The following GLRA2 variants were observed in gnomAD, a reference collection of about 807,000 sequenced individuals.
GLRA2 encodes the protein glycine receptor alpha 2.
A neutral mutation model predicts 31.6 loss-of-function variants in GLRA2; 11 were observed. The ratio of observed to expected loss-of-function variants is 0.35; its 90% CI spans 0.22 to 0.58. GLRA2 has a LOEUF of 0.58. Among genes scored for constraint, GLRA2 ranks in the 20% least tolerant of loss-of-function variants. The pLI, the probability that GLRA2 is intolerant of heterozygous loss-of-function variation, is 0.84. For synonymous variants in GLRA2, 132 were observed against 134.0 expected (o/e 0.99, Z 0.10); for missense variants, 212 against 351.8 (o/e 0.60, Z 3.18).
chrX:14,681,910 A>AAAAAATATATAT (rs758563376), intron 7 of GLRA2, among the ~76,000 whole-genome samples: 3 of 41,280 alleles, frequency 7.3e-5, no homozygotes, highest in Admixed American at 2.6e-4. Context: ...AAAAAAAAAA[A>AAAAAATATATAT]ATATATATAT....
the GLRA2 span, among the ~76,000 whole-genome samples, chrX:14,451,331 C>G: frequency 1.8e-5 from 2 of 110,762 alleles, no homozygotes; most frequent in African/African-American, 6.6e-5. Flanking sequence ...AATGACCCCA[C>G]TTAAAAGGCA....
intron 2 of GLRA2, among the ~76,000 whole-genome samples, chrX:14,538,072 G>A (rs778516518): frequency 8.2e-5 from 9 of 109,160 alleles, no homozygotes; most frequent in Admixed American, 1.9e-4. Flanking sequence ...CATCAAGAGG[G>A]CATCTACAGC....
chrX:14,492,523 C>T, the GLRA2 span, among the ~76,000 whole-genome samples: 1 of 111,643 alleles, frequency 9.0e-6, no homozygotes, highest in Admixed American at 9.5e-5. Context: ...CCTCATTAAT[C>T]ATTAAGGAAA....
At chrX:14,582,205 C>T (rs868111283) in intron 4 of GLRA2, among the ~76,000 whole-genome samples, 38 of 69,498 alleles carry the variant, frequency 5.5e-4, no homozygotes, top group African/African-American at 2.5e-3. Flanking sequence ...TCTCCCAATG[C>T]TATCCCTCCC....
the GLRA2 span, among the ~76,000 whole-genome samples, chrX:14,497,245 A>G: frequency 8.9e-6 from 1 of 111,966 alleles, no homozygotes; most frequent in African/African-American, 3.2e-5. Context: ...GGGTCAAGAT[A>G]GAGAAGAGAA....
At chrX:14,555,442 C>A (rs1485749539) in intron 2 of GLRA2, among the ~76,000 whole-genome samples, 1 of 111,370 alleles carries the variant, frequency 9.0e-6, no homozygotes, top group African/African-American at 3.3e-5. Flanking sequence ...GTCTTTTTAG[C>A]CCTGAAGTTT....
intron 2 of GLRA2, among the ~76,000 whole-genome samples, chrX:14,568,937 G>T (rs1448314209): frequency 1.8e-5 from 2 of 111,015 alleles, no homozygotes; most frequent in African/African-American, 6.5e-5. Flanking sequence ...AGAAACAAAA[G>T]AAAAAATAGG....
intron 7 of GLRA2, among the ~76,000 whole-genome samples, chrX:14,688,581 G>T (rs2091306277): frequency 9.0e-6 from 1 of 111,481 alleles, no homozygotes; most frequent in African/African-American, 3.3e-5. Flanking sequence ...AGGCTCCGTG[G>T]GTGTGGGACC....
chrX:14,615,875 AT>A (rs1203655296), intron 7 of GLRA2, among the ~76,000 whole-genome samples: 1 of 111,293 alleles, frequency 9.0e-6, no homozygotes, highest in Non-Finnish European at 1.9e-5. Context: ...TTTGTTCTTG[AT>A]TTTTTGTTTT....
the GLRA2 span, among the ~76,000 whole-genome samples, chrX:14,468,882 T>C: frequency 3.7e-5 from 4 of 109,205 alleles, no homozygotes; most frequent in African/African-American, 6.7e-5. Flanking sequence ...TGGTATCTCA[T>C]TGTGGTTTTG....
At chrX:14,616,608 T>C (rs1045648866) in intron 7 of GLRA2, among the ~76,000 whole-genome samples, 3 of 111,750 alleles carry the variant, frequency 2.7e-5, no homozygotes, top group Non-Finnish European at 5.7e-5. Flanking sequence ...AACTAGAGAT[T>C]GCAGTAAGAG....
At chrX:14,482,570 A>G in the GLRA2 span, among the ~76,000 whole-genome samples, 3 of 111,502 alleles carry the variant, frequency 2.7e-5, no homozygotes, top group African/African-American at 6.5e-5. Flanking sequence ...GATAATGCAT[A>G]TAAAAGCTAG....
At chrX:14,526,365 C>A (rs1032942297), upstream of GLRA2, among the ~76,000 whole-genome samples, 5 of 112,282 alleles carry the variant, frequency 4.5e-5, no homozygotes, top group Admixed American at 4.7e-4. Context: ...TAGTATTAAC[C>A]AGGGGCTGTG....
At chrX:14,648,585 T>C (rs191390804) in intron 7 of GLRA2, among the ~76,000 whole-genome samples, 201 of 111,526 alleles carry the variant, frequency 1.8e-3, no homozygotes, top group African/African-American at 5.9e-3. Flanking sequence ...GGAGAAGATA[T>C]TTGTAAGACA....
chrX:14,452,595 G>T, the GLRA2 span, among the ~76,000 whole-genome samples: 1 of 112,306 alleles, frequency 8.9e-6, no homozygotes, highest in African/African-American at 3.2e-5. Flanking sequence ...GAATCCAGGG[G>T]AAAGCTTATT....
At chrX:14,569,231 G>T (rs2089850928) in intron 2 of GLRA2, among the ~76,000 whole-genome samples, 1 of 110,946 alleles carries the variant, frequency 9.0e-6, no homozygotes, top group African/African-American at 3.3e-5. Flanking sequence ...CTCCAGCTTG[G>T]GTGAAAGAGT....
chrX:14,567,993 A>G (rs2089829159), intron 2 of GLRA2, among the ~76,000 whole-genome samples: 1 of 112,413 alleles, frequency 8.9e-6, no homozygotes, highest in Admixed American at 9.4e-5. Flanking sequence ...ATAAATGGAA[A>G]AACATCCCTT....
the GLRA2 span, among the ~76,000 whole-genome samples, chrX:14,519,306 G>T: frequency 1.8e-5 from 2 of 111,607 alleles, no homozygotes; most frequent in African/African-American, 6.5e-5. Flanking sequence ...AATGGGAACA[G>T]ATGTAAATAT....
At chrX:14,506,544 C>G in the GLRA2 span, among the ~76,000 whole-genome samples, 1 of 111,732 alleles carries the variant, frequency 8.9e-6, no homozygotes, top group Non-Finnish European at 1.9e-5. Flanking sequence ...AGTGGGTCTC[C>G]CTACAAGCTA....
Sources: allele counts gnomAD v4.1 joint callset (sites outside exome capture counted in the v4.1 genomes callset), GRCh38; gene constraint gnomAD v4.1.1; transcripts MANE v1.5; gene names NCBI Gene and HGNC (gene_info 2026-07-23, HGNC 2026-07-21).